The following DLG2 variants were observed in gnomAD, a reference collection of about 807,000 sequenced individuals.
The protein encoded by DLG2 is disks large homolog 2.
A neutral mutation model predicts 132.5 loss-of-function variants in DLG2; 45 were observed. The ratio of observed to expected loss-of-function variants is 0.34; its 90% CI spans 0.27 to 0.44. The LOEUF (loss-of-function observed/expected upper bound fraction) is 0.44. DLG2 is among the 20% of genes least tolerant of loss of function. DLG2 has a pLI of 1.00. For missense variants in DLG2, 1,045 were observed against 1,196.9 expected (o/e 0.87, Z 1.87); for synonymous variants, 424 against 419.6 (o/e 1.01, Z -0.13).
intron 4 of DLG2, among the ~76,000 whole-genome samples, chr11:85,262,162 G>A (rs917953725): frequency 1.3e-5 from 2 of 152,152 alleles, no homozygotes; most frequent in African/African-American, 4.8e-5. Context: ...CAGTGTTGGG[G>A]ACAAGGGTCC....
intron 3 of DLG2, among the ~76,000 whole-genome samples, chr11:85,462,001 G>T (rs1448799641): frequency 6.6e-6 from 1 of 152,176 alleles, no homozygotes; most frequent in Non-Finnish European, 1.5e-5. Flanking sequence ...GATATTAACA[G>T]ATACTTCTCA....
Position 84,063,365 on chromosome 11 carries a change from T to C in DLG2, c.750-3881A>G, listed in dbSNP as rs560888656. On this transcript the variant is annotated intron_variant, in intron 10 of 27. Coordinates refer to ENST00000376104, the MANE Select transcript of DLG2 (RefSeq NM_001142699.3). Reference sequence around the variant, plus strand: ...AATATTTTAGAAACAAAAAGGATAGTCTATCGGTAGCCCGTATTCAAAGAG... The same window carrying C: ...AATATTTTAGAAACAAAAAGGATAGCCTATCGGTAGCCCGTATTCAAAGAG... Among the ~76,000 whole-genome samples the C allele has an allele frequency of 2.4e-4, 36 of 152,340 alleles. 1 individual carries two copies. The South Asian group carries it at 7.5e-3, about 32-fold the overall frequency.
At chr11:83,548,849 C>T (rs1184004172) in intron 19 of DLG2, among the ~76,000 whole-genome samples, 1 of 152,146 alleles carries the variant, frequency 6.6e-6, no homozygotes, top group Non-Finnish European at 1.5e-5. Flanking sequence ...TCTTTTACCT[C>T]TCTGGGAAGC....
At chr11:84,579,070 C>T (rs190091615) in intron 6 of DLG2, among the ~76,000 whole-genome samples, 2 of 152,176 alleles carry the variant, frequency 1.3e-5, no homozygotes, top group Non-Finnish European at 1.5e-5. Context: ...CGCCATGATT[C>T]TGAGGCCTCC....
At chr11:83,992,512 T>C (rs1460192962) in intron 11 of DLG2, among the ~76,000 whole-genome samples, 1 of 152,018 alleles carries the variant, frequency 6.6e-6, no homozygotes, top group Non-Finnish European at 1.5e-5. Context: ...AAATATATAC[T>C]CAAAGACCCA....
rs1031243637 is a variant in DLG2, at chr11:84,457,605, C to T, written c.519+76965G>A. 6.6e-5 allele frequency among the ~76,000 whole-genome samples: 10 copies of T among 150,940 alleles called. No homozygotes were observed. The Admixed American group carries it at 6.6e-4, about 10-fold the overall frequency. On this transcript the variant is annotated intron_variant, in intron 7 of 27. Coordinates refer to ENST00000376104, the MANE Select transcript of DLG2 (RefSeq NM_001142699.3). ...GCAGAAAATAACATATGCCAAGACT[C>T]ATATTTCTCTTATTTCCCTGTGAAA... is the stretch of plus-strand genomic sequence containing the variant.
At chr11:84,881,803 G>A (rs2087389763) in intron 6 of DLG2, among the ~76,000 whole-genome samples, 2 of 152,084 alleles carry the variant, frequency 1.3e-5, no homozygotes, top group Admixed American at 6.6e-5. Context: ...GTAAGCAACT[G>A]GAAGTGACAC....
chr11:84,869,909 A>T (rs568518468), intron 6 of DLG2, among the ~76,000 whole-genome samples: 5 of 152,358 alleles, frequency 3.3e-5, no homozygotes, highest in Admixed American at 3.3e-4. Flanking sequence ...GTATTTTGGA[A>T]TATTCCCTTC....
chr11:84,702,181 C>T (rs965306818), intron 6 of DLG2, among the ~76,000 whole-genome samples: 2 of 151,632 alleles, frequency 1.3e-5, no homozygotes, highest in African/African-American at 4.8e-5. Flanking sequence ...GGTACTAAAC[C>T]TCTTGGTCTT....
intron 6 of DLG2, chr11:84,546,561 G>A: frequency 5.1e-6 from 2 of 390,830 alleles, no homozygotes. Flanking sequence ...ACTAGTCTTT[G>A]AGAATCTCCT....
At chr11:83,682,194 C>G in intron 18 of DLG2, 3 of 985,352 alleles carry the variant, frequency 3.0e-6, no homozygotes, top group Non-Finnish European at 3.6e-6. Context: ...AGGGAGGAGG[C>G]AGGAGGCACC....
intron 6 of DLG2, among the ~76,000 whole-genome samples, chr11:84,660,876 T>C (rs2099693785): frequency 6.6e-6 from 1 of 152,158 alleles, no homozygotes. Flanking sequence ...TTAAATGAAA[T>C]TGATGCCACA....
chr11:85,429,149 C>G (rs1002650079), intron 3 of DLG2, among the ~76,000 whole-genome samples: 3 of 152,240 alleles, frequency 2.0e-5, no homozygotes, highest in African/African-American at 7.2e-5. Flanking sequence ...GCTTATCAAT[C>G]AAAAGAAGTC....
chr11:83,660,898 C>T (rs2074089020), intron 18 of DLG2, among the ~76,000 whole-genome samples: 1 of 152,066 alleles, frequency 6.6e-6, no homozygotes, highest in African/African-American at 2.4e-5. Context: ...TCTTCTGACT[C>T]CCCCCATAAT....
chr11:85,352,479 A>C (rs998579512), intron 3 of DLG2, among the ~76,000 whole-genome samples: 2 of 151,542 alleles, frequency 1.3e-5, no homozygotes, highest in African/African-American at 4.8e-5. Flanking sequence ...CTTGCTTCTC[A>C]GTTCTTTTAA....
intron 8 of DLG2, among the ~76,000 whole-genome samples, chr11:84,241,177 T>C (rs2097220384): frequency 6.6e-6 from 1 of 152,232 alleles, no homozygotes; most frequent in African/African-American, 2.4e-5. Flanking sequence ...CTTATTATTG[T>C]AGTTTCTTCC....
chr11:84,909,901 C>T (rs2091904311), intron 6 of DLG2, among the ~76,000 whole-genome samples: 1 of 152,198 alleles, frequency 6.6e-6, no homozygotes. Context: ...TGCATCCTGC[C>T]TCTGGCCATT....
At chr11:83,532,959 C>T (rs2095793492) in intron 20 of DLG2, among the ~76,000 whole-genome samples, 176 bp from the exon 21 acceptor site, 1 of 152,152 alleles carries the variant, frequency 6.6e-6, no homozygotes, top group African/African-American at 2.4e-5. Context: ...CTCTAAGTTT[C>T]TAACATGTCC....
At chr11:84,355,633 G>C (rs1315482092) in intron 7 of DLG2, among the ~76,000 whole-genome samples, 1 of 152,048 alleles carries the variant, frequency 6.6e-6, no homozygotes, top group African/African-American at 2.4e-5. Context: ...CCAAAACTAA[G>C]AACTATGGTT....
Sources: allele counts gnomAD v4.1 joint callset (sites outside exome capture counted in the v4.1 genomes callset), GRCh38; gene constraint gnomAD v4.1.1; transcripts MANE v1.5; gene names NCBI Gene and HGNC (gene_info 2026-07-23, HGNC 2026-07-21).